ODAD4: variants seen among roughly 807,000 people sequenced by gnomAD.
ODAD4 encodes the protein outer dynein arm-docking complex subunit 4.
ODAD4 carries 49 observed loss-of-function variants against 51.8 expected under a neutral mutation model. The ratio of observed to expected loss-of-function variants is 0.95; its 90% CI spans 0.75 to 1.20. ODAD4 has a LOEUF of 1.20. Ranked by LOEUF, ODAD4 falls within the 50% of genes most tolerant of loss-of-function variation. The probability of loss-of-function intolerance (pLI) is 0.00; values close to 1 mark genes in which losing one functional copy is unlikely to be tolerated. For missense variants in ODAD4, 590 were observed against 586.5 expected (o/e 1.01, Z -0.06); for synonymous variants, 235 against 221.3 (o/e 1.06, Z -0.55).
At chr17:41,957,175 G>A (rs1193634192) in intron 10 of ODAD4, among the ~76,000 whole-genome samples, 1 of 152,132 alleles carries the variant, frequency 6.6e-6, no homozygotes, top group Non-Finnish European at 1.5e-5. Flanking sequence ...CAAAGTGCTG[G>A]GACTGAGCCA....
intron 8 of ODAD4, among the ~76,000 whole-genome samples, chr17:41,946,595 G>T (rs1555639600): frequency 6.6e-6 from 1 of 152,196 alleles, no homozygotes. Flanking sequence ...AAAGTGCTGG[G>T]ATTACAGGCG....
chr17:41,940,729 G>A (rs185581798), intron 7 of ODAD4, among the ~76,000 whole-genome samples: 93 of 152,246 alleles, frequency 6.1e-4, no homozygotes, highest in African/African-American at 2.2e-3. Context: ...TAGATGTGAT[G>A]TATATATATG....
chr17:41,939,274 T>C, intron 7 of ODAD4, 102 bp downstream of exon 7: 1 of 1,158,264 alleles, frequency 8.6e-7, no homozygotes, highest in Non-Finnish European at 1.2e-6. Context: ...ACTCCCATTT[T>C]CTGCTCTGCA....
At chr17:41,948,854 C>T (rs2050620050) in intron 8 of ODAD4, among the ~76,000 whole-genome samples, 1 of 152,102 alleles carries the variant, frequency 6.6e-6, no homozygotes, top group Non-Finnish European at 1.5e-5. Context: ...CTTGTCTAGG[C>T]TGATCTCGAA....
intron 11 of ODAD4, among the ~76,000 whole-genome samples, chr17:41,964,792 A>C (rs1175135565): frequency 2.0e-5 from 3 of 151,772 alleles, no homozygotes; most frequent in African/African-American, 4.8e-5. Context: ...ACAGGCGCCA[A>C]CCACCACGCC....
intron 7 of ODAD4, among the ~76,000 whole-genome samples, chr17:41,943,808 C>T (rs1003120261): frequency 1.3e-5 from 2 of 152,030 alleles, no homozygotes; most frequent in Non-Finnish European, 2.9e-5. Context: ...GTTTCTTGAG[C>T]ATATAGACCT....
At chr17:41,954,055 G>A (rs534634497) in intron 9 of ODAD4, among the ~76,000 whole-genome samples, 7 of 151,554 alleles carry the variant, frequency 4.6e-5, no homozygotes, top group African/African-American at 1.7e-4. Context: ...GCGCGATCTC[G>A]GCTCACTGCA....
chr17:41,935,022 C>T (rs782055112), intron 1 of ODAD4, among the ~76,000 whole-genome samples, 195 bp from the exon 2 acceptor site: 41 of 152,118 alleles, frequency 2.7e-4, no homozygotes, highest in Non-Finnish European at 5.0e-4. Context: ...GTTGACTGAG[C>T]GCAGATCGGA....
chr17:41,948,758 A>AG (rs1348758014), intron 8 of ODAD4, among the ~76,000 whole-genome samples: 2 of 152,136 alleles, frequency 1.3e-5, no homozygotes, highest in African/African-American at 4.8e-5. Flanking sequence ...CTTCTGCCTC[A>AG]GCCTCCCGAG....
At chr17:41,964,063 AT>A (rs539389648) in intron 11 of ODAD4, among the ~76,000 whole-genome samples, 205 of 140,382 alleles carry the variant, frequency 1.5e-3, no homozygotes, top group Middle Eastern at 3.6e-3. Context: ...CTCCCGGTTA[AT>A]TTTTTTTTTT....
chr17:41,955,791 C>A (rs4260106), intron 10 of ODAD4, among the ~76,000 whole-genome samples: 27,338 of 152,024 alleles, frequency 0.18, 3,307 homozygotes, highest in East Asian at 0.34. Context: ...TTTCCTATTA[C>A]ATTCTGTTTT....
chr17:41,947,670 C>T (rs1438656217), intron 8 of ODAD4, among the ~76,000 whole-genome samples: 3 of 151,896 alleles, frequency 2.0e-5, no homozygotes, highest in Non-Finnish European at 2.9e-5. Context: ...TGGCACACTC[C>T]TGTAATCCCA....
At chr17:41,938,415 G>A (rs1262307225) in intron 5 of ODAD4, 142 bp from the exon 6 acceptor site, 75 of 668,456 alleles carry the variant, frequency 1.1e-4, no homozygotes, top group East Asian at 1.6e-4. Context: ...GCCACTATGC[G>A]CACTCACACT....
chr17:41,957,723 C>T (rs1170904609), intron 10 of ODAD4, among the ~76,000 whole-genome samples: 1 of 152,170 alleles, frequency 6.6e-6, no homozygotes, highest in Non-Finnish European at 1.5e-5. Context: ...GTCCCCAGCC[C>T]CCATCACCTT....
At chr17:41,936,953 G>C (rs1382701799) in intron 5 of ODAD4, 26 bp downstream of exon 5, 1 of 1,609,112 alleles carries the variant, frequency 6.2e-7, no homozygotes, top group Non-Finnish European at 8.5e-7. Flanking sequence ...TTGGCACGGG[G>C]CCTTGGGGGA....
At chr17:41,959,188 G>A (rs2050772829) in intron 10 of ODAD4, among the ~76,000 whole-genome samples, 1 of 152,136 alleles carries the variant, frequency 6.6e-6, no homozygotes, top group Non-Finnish European at 1.5e-5. Flanking sequence ...CCCACTCCCA[G>A]TGCATCCAGG....
intron 10 of ODAD4, among the ~76,000 whole-genome samples, chr17:41,959,380 C>T (rs1384864520): frequency 6.6e-6 from 1 of 152,218 alleles, no homozygotes; most frequent in Non-Finnish European, 1.5e-5. Flanking sequence ...AAACGGGGCC[C>T]CTGTCCTTGG....
chr17:41,944,433 CACACACACACA>C lies in ODAD4; in HGVS notation c.1059-702_1059-692del, dbSNP rs1311690209. 7.3e-3 allele frequency among the ~76,000 whole-genome samples: 42 copies of C among 5,754 alleles called. 1 individual carries two copies. The highest frequency in any genetic ancestry group is 0.028 in the South Asian group (1 of 36). 3.8% of individuals were successfully genotyped at this position (5,754 alleles called of 152,430 possible). A position where few individuals can be genotyped will look rare whatever the true frequency, so the allele number is the denominator to read the frequency against. On this transcript the variant is annotated intron_variant, in intron 7 of 11. Transcript: ENST00000377540. ...ACACACACACACACACACACACACA[CACACACACACA>C]CCCCCCCGCATACACAGAAATTGCC...
intron 9 of ODAD4, among the ~76,000 whole-genome samples, chr17:41,951,356 T>A (rs2050649155): frequency 6.6e-6 from 1 of 152,084 alleles, no homozygotes. Context: ...GTGCTGGGAT[T>A]ACAGTTGTGA....
Sources: gnomAD v4.1 joint callset for allele counts (sites outside exome capture counted in the v4.1 genomes callset) on GRCh38, gnomAD v4.1.1 for gene constraint, MANE v1.5 for transcripts, NCBI Gene and HGNC (gene_info 2026-07-23, HGNC 2026-07-21) for gene names.